NUDCD2: variants seen among roughly 807,000 people sequenced by gnomAD.
NUDCD2 encodes nudC domain-containing protein 2.
NUDCD2 carries 16 observed loss-of-function variants against 20.8 expected under a neutral mutation model. The ratio of observed to expected loss-of-function variants is 0.77; its 90% CI spans 0.52 to 1.17. The LOEUF (loss-of-function observed/expected upper bound fraction) is 1.17, where lower values mean the gene tolerates loss of function less well. Among genes scored for constraint, NUDCD2 ranks in the 50% most tolerant of loss-of-function variants. The probability of loss-of-function intolerance (pLI) is 0.00; values close to 1 mark genes in which losing one functional copy is unlikely to be tolerated. For synonymous variants in NUDCD2, 87 were observed against 72.8 expected, an observed-to-expected ratio of 1.20 and a Z score of -1.00; for missense variants, 199 against 193.9, an observed-to-expected ratio of 1.03 and a Z score of -0.16.
intron 2 of NUDCD2, among the ~76,000 whole-genome samples, 164 bp from the exon 3 acceptor site, chr5:163,457,244 G>A (rs1000162278): frequency 6.6e-6 from 1 of 150,826 alleles, no homozygotes; most frequent in Non-Finnish European, 1.5e-5. Flanking sequence ...TGATTCTCCT[G>A]CCTCAGCCTC....
chr5:163,459,698 T>G lies in NUDCD2; in HGVS notation c.189+164A>C, dbSNP rs573794389. On this transcript the variant is annotated intron_variant, in intron 1 of 3. Transcript: ENST00000302764. ...AATTTCCACAACTCAGCACCTGCCC[T>G]GAAGAGGCGGGGGCTCTGACCAGAC... 1.6e-4 allele frequency: 84 copies of G among 526,508 alleles called. 1 individual carries two copies. In the African/African-American group the frequency reaches 1.6e-3, roughly 10 times the overall value. 32.6% of individuals were successfully genotyped at this position (526,508 alleles called of 1,614,324 possible).
chr5:163,457,046 C>G lies in NUDCD2; in HGVS notation c.273G>C (p.Lys91Asn). ...AACAATTTGCTGCATCTCTCTTTGT[C>G]TTTGTAAGAACAATACGAACCATTT... is the stretch of plus-strand genomic sequence containing the variant. ...DRKMVRIVLT[K>N]TKRDAANCWT... Residue 91 changes from lysine to asparagine, a missense_variant, in exon 3 of 4, where the codon AAG becomes AAC. Lys to Asn is a moderately conservative substitution (Grantham distance 94). Coordinates refer to ENST00000302764, the MANE Select transcript of NUDCD2 (RefSeq NM_145266.6). 1 of 1,612,254 alleles carries G rather than the reference C, an allele frequency of 6.2e-7. No individual in the cohort carries two copies. The highest frequency in any genetic ancestry group is 2.2e-5 in the East Asian group (1 of 44,842).
intron 1 of NUDCD2, among the ~76,000 whole-genome samples, chr5:163,458,027 C>T (rs1187381855): frequency 1.8e-5 from 2 of 110,676 alleles, no homozygotes; most frequent in African/African-American, 3.5e-5. Flanking sequence ...TTCGCTCTGT[C>T]GCCCAGGCTG....
At position 163,459,844 on chromosome 5, in the gene NUDCD2, G is replaced by C. The variant is rs1208014958; in HGVS notation, c.189+18C>G. The C allele has an allele frequency of 1.9e-6, 3 of 1,582,198 alleles. No homozygotes were observed. The South Asian group carries it at 3.5e-5, about 18-fold the overall frequency. On this transcript the variant is annotated intron_variant, in intron 1 of 3. Transcript: ENST00000302764. ...TCTGGGAAGAGGAAACTGAACACAAGCCCCGAGCTGCCGCTACCTTGAGGA... is the reference window on the plus strand; with the variant it reads ...TCTGGGAAGAGGAAACTGAACACAACCCCCGAGCTGCCGCTACCTTGAGGA...
In NUDCD2 at chr5:163,460,019, A is replaced by G. The variant is rs1326916706; in HGVS notation, c.32T>C (p.Val11Ala). Reference sequence around the variant, plus strand: ...GCCCCACGGGGTCCCGCACGGTACCACCCCACTCCGCTCCTCAAACGGGGC... The same window carrying G: ...GCCCCACGGGGTCCCGCACGGTACCGCCCCACTCCGCTCCTCAAACGGGGC... MSAPFEERSGVVPCGTPWGQW... is the reference protein window; with the variant it reads MSAPFEERSGAVPCGTPWGQW... Residue 11 changes from valine to alanine, a missense_variant, in exon 1 of 4, where the codon GTG (valine) becomes GCG (alanine). Val to Ala is a moderately conservative substitution (Grantham distance 64). Coordinates refer to ENST00000302764, the MANE Select transcript of NUDCD2 (RefSeq NM_145266.6). 4 of 1,602,700 alleles carry G rather than the reference A, an allele frequency of 2.5e-6. No homozygotes were observed. Among genetic ancestry groups the G allele is most frequent in the Non-Finnish European group, 2.6e-6 (3 of 1,175,498 alleles).
chr5:163,455,006 CT>C (rs1284910185), intron 3 of NUDCD2, among the ~76,000 whole-genome samples: 3 of 152,190 alleles, frequency 2.0e-5, no homozygotes, highest in Non-Finnish European at 4.4e-5. Context: ...AAATACTCAA[CT>C]GTCTGAAAGA....
rs760275020 is a variant in NUDCD2, at chr5:163,454,026, C to T, written c.415G>A (p.Ala139Thr). The T allele has an allele frequency of 1.3e-6, 2 of 1,554,536 alleles. No homozygotes were observed. The highest frequency in any genetic ancestry group is 2.5e-5 in the South Asian group (2 of 81,020). ...KENPGFDFSG[A>T]EISGNYTKGG... ...TTAGTGTAGTTTCCTGAGATTTCTG[C>T]TCCACTGAAGTCAAAACCAGGATTC... is the stretch of plus-strand genomic sequence containing the variant. Residue 139 changes from alanine (A) to threonine (T), a missense_variant, in exon 4 of 4, where the codon GCA becomes ACA. By Grantham distance (58) the Ala-to-Thr change is moderately conservative. Transcript: ENST00000302764.
At position 163,447,839 on chromosome 5, in the gene NUDCD2, C is replaced by G. The variant is rs993427954; in HGVS notation, c.*6128G>C. 6.6e-6 allele frequency: 1 copy of G among 152,160 alleles called. No individual in the cohort carries two copies. The highest frequency in any genetic ancestry group is 1.5e-5 in the Non-Finnish European group (1 of 68,020). 9.4% of individuals were successfully genotyped at this position (152,160 alleles called of 1,614,324 possible). A position where few individuals can be genotyped will look rare whatever the true frequency, so the allele number is the denominator to read the frequency against. ...TTAAACAACACATTTCTAAATAACTCATGATACTACAGGGAAGTCTTAAAA... is the reference window on the plus strand; with the variant it reads ...TTAAACAACACATTTCTAAATAACTGATGATACTACAGGGAAGTCTTAAAA... On this transcript the variant is annotated 3_prime_UTR_variant, in exon 4 of 4. Coordinates refer to ENST00000302764, the MANE Select transcript of NUDCD2 (RefSeq NM_145266.6).
intron 1 of NUDCD2, 70 bp downstream of exon 1, chr5:163,459,792 T>G (rs1320914181): frequency 1.4e-6 from 2 of 1,385,000 alleles, no homozygotes; most frequent in Non-Finnish European, 2.0e-6. Flanking sequence ...CACCCAACAG[T>G]CGTTCAGGGA....
rs112466550 is a variant in NUDCD2 at position 163,454,458 on chromosome 5, A to G, written c.391-408T>C. On this transcript the variant is annotated intron_variant, in intron 3 of 3. Coordinates refer to ENST00000302764, the MANE Select transcript of NUDCD2 (RefSeq NM_145266.6). ...CCAGGTTCAAGCGATTCTCCTGCCT[A>G]AGCCTCCCGAGTAGCTGCGATTACA... Among the ~76,000 whole-genome samples, 889 of 152,036 alleles carry G rather than the reference A, an allele frequency of 5.8e-3. 11 individuals are homozygous for G. Among genetic ancestry groups the G allele is most frequent in the African/African-American group, 0.019 (783 of 41,476 alleles).
In NUDCD2 at chr5:163,451,285, A is replaced by G. The variant is rs926868915; in HGVS notation, c.*2682T>C. On this transcript the variant is annotated 3_prime_UTR_variant, in exon 4 of 4. Coordinates refer to ENST00000302764, the MANE Select transcript of NUDCD2 (RefSeq NM_145266.6). ...GGGTGAAATGTATGTTGTTACAATA[A>G]AGCGTTTTTCTTAATTATATATGAT... The G allele has an allele frequency of 2.0e-5, 3 of 152,184 alleles. No individual in the cohort carries two copies. Among genetic ancestry groups the G allele is most frequent in the Non-Finnish European group, 4.4e-5 (3 of 68,032 alleles). 9.4% of individuals were successfully genotyped at this position (152,184 alleles called of 1,614,324 possible).
intron 1 of NUDCD2, among the ~76,000 whole-genome samples, chr5:163,457,811 G>C (rs1477899451): frequency 6.6e-6 from 1 of 151,918 alleles, no homozygotes; most frequent in East Asian, 1.9e-4. Flanking sequence ...ATTTACTATG[G>C]CAAAGAACAC....
At position 163,448,293 on chromosome 5, in the gene NUDCD2, G is replaced by C. The variant is rs1042710861; in HGVS notation, c.*5674C>G. 1 of 151,632 alleles carries C rather than the reference G, an allele frequency of 6.6e-6. No homozygotes were observed. Among genetic ancestry groups the C allele is most frequent in the Non-Finnish European group, 1.5e-5 (1 of 67,906 alleles). 9.4% of individuals were successfully genotyped at this position (151,632 alleles called of 1,614,324 possible). On this transcript the variant is annotated 3_prime_UTR_variant, in exon 4 of 4. Coordinates refer to ENST00000302764, the MANE Select transcript of NUDCD2 (RefSeq NM_145266.6). ...AATTTTTGAAAAGAGCAGTAAAATT[G>C]ATAAACCTCTGGCAAAATTGACAAA...
intron 1 of NUDCD2, among the ~76,000 whole-genome samples, chr5:163,458,816 A>G (rs869177123): frequency 1.3e-5 from 2 of 151,826 alleles, no homozygotes; most frequent in Non-Finnish European, 2.9e-5. Context: ...TTACTAATTT[A>G]TAATCGTAAT....
rs1758140766 is a variant in NUDCD2 at position 163,450,091 on chromosome 5, A to C, written c.*3876T>G. ...TATGGTGAAATCCCAACTCTACTAA[A>C]AATAAAAAATAAAAAAAAAATGGGC... On this transcript the variant is annotated 3_prime_UTR_variant, in exon 4 of 4. Coordinates refer to ENST00000302764, the MANE Select transcript of NUDCD2 (RefSeq NM_145266.6). 1 of 151,992 alleles carries C rather than the reference A, an allele frequency of 6.6e-6. No homozygotes were observed. The highest frequency in any genetic ancestry group is 1.5e-5 in the Non-Finnish European group (1 of 68,028). The allele number at this position is 151,992 out of a possible 1,614,324, so 9.4% of individuals were successfully genotyped here.
chr5:163,456,213 A>G (rs1758306737), intron 3 of NUDCD2, among the ~76,000 whole-genome samples: 1 of 152,214 alleles, frequency 6.6e-6, no homozygotes, highest in South Asian at 2.1e-4. Flanking sequence ...TATCATAAAG[A>G]CGTACATTAT....
At chr5:163,457,197 T>A (rs1652505810) in intron 2 of NUDCD2, 117 bp from the exon 3 acceptor site, 7 of 1,110,784 alleles carry the variant, frequency 6.3e-6, no homozygotes, top group Non-Finnish European at 8.6e-6. Flanking sequence ...AGCGGCTTGA[T>A]CTCGGCTCAC....
chr5:163,456,637 G>A (rs1381114394), intron 3 of NUDCD2, among the ~76,000 whole-genome samples: 1 of 152,088 alleles, frequency 6.6e-6, no homozygotes, highest in Admixed American at 6.5e-5. Context: ...TTTACACTAG[G>A]TAAGTCTATA....
At chr5:163,458,761 A>G (rs1213875963) in intron 1 of NUDCD2, among the ~76,000 whole-genome samples, 2 of 152,234 alleles carry the variant, frequency 1.3e-5, no homozygotes, top group African/African-American at 4.8e-5. Context: ...TACATCAGAA[A>G]TCCCAAATTC....
Sources: allele counts gnomAD v4.1 joint callset (sites outside exome capture counted in the v4.1 genomes callset), GRCh38; gene constraint gnomAD v4.1.1; transcripts MANE v1.5; gene names NCBI Gene and HGNC (gene_info 2026-07-23, HGNC 2026-07-21).